Variants in DNAI7 observed in about 807,000 individuals in gnomAD.
DNAI7 encodes dynein axonemal intermediate chain 7.
A neutral mutation model predicts 86.6 loss-of-function variants in DNAI7; 78 were observed. That is an observed-to-expected ratio of 0.90 (90% CI 0.75 to 1.09). The LOEUF is 1.09. Ranked by LOEUF, DNAI7 falls within the 50% of genes least tolerant of loss-of-function variation. The pLI is 0.00. For missense variants in DNAI7, 753 were observed against 810.2 expected, an observed-to-expected ratio of 0.93 and a Z score of 0.86; for synonymous variants, 274 against 273.0, an observed-to-expected ratio of 1.00 and a Z score of -0.04.
At chr12:25,109,867 G>A (rs1373097493) in intron 15 of DNAI7, among the ~76,000 whole-genome samples, 5 of 151,738 alleles carry the variant, frequency 3.3e-5, no homozygotes, top group Non-Finnish European at 4.4e-5. Context: ...TGGTAGAAAC[G>A]GGGTTTCACC....
downstream of DNAI7, chr12:25,108,033 C>G (rs1290984628): frequency 3.1e-6 from 5 of 1,614,008 alleles, no homozygotes; most frequent in Non-Finnish European, 4.2e-6. Flanking sequence ...TTACCAGACT[C>G]CGACACAATG....
chr12:25,108,507 G>A lies in DNAI7; in HGVS notation c.*41C>T. 1 of 1,546,288 alleles carries A rather than the reference G, an allele frequency of 6.5e-7. No individual in the cohort carries two copies. The highest frequency in any genetic ancestry group is 8.8e-7 in the Non-Finnish European group (1 of 1,133,694). ...TGCAGAAATACCTGTCTTTCACCAT[G>A]CTTGGTTCTTCATACTTACAATACA... On this transcript the variant is annotated 3_prime_UTR_variant, in exon 16 of 16. Coordinates refer to ENST00000395987, the MANE Select transcript of DNAI7 (RefSeq NM_018272.5).
chr12:25,143,277 C>G (rs1414064315), intron 9 of DNAI7, among the ~76,000 whole-genome samples: 1 of 138,028 alleles, frequency 7.2e-6, no homozygotes, highest in Non-Finnish European at 1.5e-5. Context: ...GAGACAAAGT[C>G]TCACTCTGTC....
chr12:25,176,844 CTTT>C (rs1447288205), intron 2 of DNAI7, among the ~76,000 whole-genome samples: 1 of 145,702 alleles, frequency 6.9e-6, no homozygotes, highest in South Asian at 2.2e-4. Flanking sequence ...TTGTGATTTG[CTTT>C]TTTTAATTGT....
intron 2 of DNAI7, among the ~76,000 whole-genome samples, chr12:25,163,525 ACT>A (rs1434346237): frequency 2.0e-5 from 3 of 151,726 alleles, no homozygotes; most frequent in East Asian, 1.9e-4. Context: ...CCCTTCGCTG[ACT>A]CTCTTTTCGG....
intron 8 of DNAI7, among the ~76,000 whole-genome samples, chr12:25,144,980 C>A (rs1471457042): frequency 6.6e-6 from 1 of 152,132 alleles, no homozygotes; most frequent in African/African-American, 2.4e-5. Flanking sequence ...CATCCTAAGC[C>A]CTTTTTCTCC....
chr12:25,194,096 A>C (rs1486186585), intron 1 of DNAI7, among the ~76,000 whole-genome samples: 2 of 152,210 alleles, frequency 1.3e-5, no homozygotes, highest in Admixed American at 1.3e-4. Context: ...CTGGGATTAC[A>C]GGGGTGAGCC....
rs995820673 is a variant in DNAI7, at chr12:25,163,118, T to A, written c.22-1921A>T. Among the ~76,000 whole-genome samples, 4 of 152,142 alleles carry A rather than the reference T, an allele frequency of 2.6e-5. No homozygotes were observed. The East Asian group carries it at 5.8e-4, about 22-fold the overall frequency. On this transcript the variant is annotated intron_variant, in intron 2 of 15. Coordinates refer to ENST00000395987, the MANE Select transcript of DNAI7 (RefSeq NM_018272.5). The stretch of plus-strand genomic sequence containing the variant: ...AGAAACAAGACCTATAAAACAAAAA[T>A]GCAAGTTTAAAAGCAAAAACAAAAA...
At chr12:25,181,534 T>C (rs1949503141) in intron 2 of DNAI7, among the ~76,000 whole-genome samples, 1 of 152,068 alleles carries the variant, frequency 6.6e-6, no homozygotes, top group African/African-American at 2.4e-5. Context: ...AAAACAAAAA[T>C]TGATGAATGG....
At chr12:25,119,721 A>G (rs541920044) in intron 11 of DNAI7, among the ~76,000 whole-genome samples, 10 of 152,208 alleles carry the variant, frequency 6.6e-5, no homozygotes, top group Non-Finnish European at 1.2e-4. Context: ...GTGTGTAGGT[A>G]AAGAGAAAAA....
chr12:25,108,266 C>T (rs936412291), downstream of DNAI7: 1 of 575,524 alleles, frequency 1.7e-6, no homozygotes. Flanking sequence ...TTTGAATGAG[C>T]TTTTTAAGGA....
intron 1 of DNAI7, 131 bp downstream of exon 1, chr12:25,194,945 G>A: frequency 6.2e-7 from 1 of 1,614,194 alleles, no homozygotes; most frequent in Non-Finnish European, 8.5e-7. Flanking sequence ...CCCACCCCAA[G>A]GTATGAGTTA....
chr12:25,107,108 G>A (rs747458837), downstream of DNAI7: 8 of 902,952 alleles, frequency 8.9e-6, no homozygotes, highest in Non-Finnish European at 1.4e-5. Flanking sequence ...GGGTGAGGCA[G>A]GGCTGACAGT....
chr12:25,143,244 T>C (rs1030392156), intron 9 of DNAI7, among the ~76,000 whole-genome samples: 4 of 107,560 alleles, frequency 3.7e-5, no homozygotes, highest in Admixed American at 1.3e-4. Flanking sequence ...AGAGTCTTCA[T>C]AATTTTTTTT....
At chr12:25,164,354 T>C (rs1262939883) in intron 2 of DNAI7, among the ~76,000 whole-genome samples, 1 of 151,010 alleles carries the variant, frequency 6.6e-6, no homozygotes, top group Non-Finnish European at 1.5e-5. Context: ...ACCCCTTCTC[T>C]CTGTGTCTCT....
At position 25,108,795 on chromosome 12, in the gene DNAI7, G is replaced by T; in HGVS notation, c.1922C>A (p.Thr641Asn). 1.5e-6 allele frequency: 1 copy of T among 677,214 alleles called. No homozygotes were observed. Among genetic ancestry groups the T allele is most frequent in the Non-Finnish European group, 2.4e-6 (1 of 422,822 alleles). The allele number at this position is 677,214 out of a possible 1,614,324, so 42.0% of individuals were successfully genotyped here. ...TAAAAGGGCCCAATTAGGATTCTCAGTACATGCTTCAGTAAGGTGTTCCCT... is the reference window on the plus strand; with the variant it reads ...TAAAAGGGCCCAATTAGGATTCTCATTACATGCTTCAGTAAGGTGTTCCCT... ...KVREHLTEAC[T>N]ENPNWALLMF... Residue 641 changes from threonine to asparagine, a missense_variant, in exon 16 of 16, where the codon ACT (threonine) becomes AAT (asparagine). Transcript: ENST00000395987.
chr12:25,194,950 G>A (rs748087059), intron 1 of DNAI7, 126 bp downstream of exon 1: 77 of 1,614,110 alleles, frequency 4.8e-5, no homozygotes, highest in Non-Finnish European at 6.4e-5. Context: ...CCCAAGGTAT[G>A]AGTTATTTCC....
chr12:25,118,192 CAA>C (rs1940562615), intron 12 of DNAI7, among the ~76,000 whole-genome samples: 1 of 152,066 alleles, frequency 6.6e-6, no homozygotes, highest in Non-Finnish European at 1.5e-5. Flanking sequence ...CTTGGCACTC[CAA>C]AGTGCTGGGA....
At chr12:25,167,544 CTAGCCG>C (rs1947624815) in intron 2 of DNAI7, among the ~76,000 whole-genome samples, 2 of 152,294 alleles carry the variant, frequency 1.3e-5, no homozygotes, top group South Asian at 4.1e-4. Flanking sequence ...TCATTCTCTC[CTAGCCG>C]TTTCTAATCC....
Sources: allele counts gnomAD v4.1 joint callset (sites outside exome capture counted in the v4.1 genomes callset), GRCh38; gene constraint gnomAD v4.1.1; transcripts MANE v1.5; gene names NCBI Gene and HGNC (gene_info 2026-07-23, HGNC 2026-07-21).